The following AFG2A variants were observed in gnomAD, a reference collection of about 807,000 sequenced individuals.
The protein encoded by AFG2A is ATPase family gene 2 protein homolog A.
the AFG2A span, among the ~76,000 whole-genome samples, chr4:123,133,376 G>A: frequency 6.6e-6 from 1 of 152,144 alleles, no homozygotes; most frequent in Non-Finnish European, 1.5e-5. Context: ...CATCTGGCTA[G>A]CTGTCCTTGT....
At chr4:123,262,914 ATT>A in the AFG2A span, among the ~76,000 whole-genome samples, 2 of 152,138 alleles carry the variant, frequency 1.3e-5, no homozygotes, top group Non-Finnish European at 2.9e-5. Flanking sequence ...ACCCAGAAGA[ATT>A]TTTTTCTGAG....
chr4:123,093,904 A>G, the AFG2A span, among the ~76,000 whole-genome samples: 1 of 152,240 alleles, frequency 6.6e-6, no homozygotes, highest in Non-Finnish European at 1.5e-5. Context: ...TATAAGGAAG[A>G]GAAAACTTAA....
chr4:123,257,542 A>G, the AFG2A span, among the ~76,000 whole-genome samples: 1 of 152,226 alleles, frequency 6.6e-6, no homozygotes, highest in Non-Finnish European at 1.5e-5. Context: ...TGGAATAAAA[A>G]GCCATGTGGA....
the AFG2A span, among the ~76,000 whole-genome samples, chr4:123,239,342 A>ATAC: frequency 6.6e-6 from 1 of 152,168 alleles, no homozygotes; most frequent in African/African-American, 2.4e-5. Flanking sequence ...CACCACAAAG[A>ATAC]TACTCCTCAA....
chr4:123,006,673 T>C, the AFG2A span, among the ~76,000 whole-genome samples: 3 of 152,158 alleles, frequency 2.0e-5, no homozygotes, highest in South Asian at 6.2e-4. Flanking sequence ...GTGGACATTG[T>C]AGTTTTCTTC....
At chr4:122,961,248 G>T in the AFG2A span, among the ~76,000 whole-genome samples, 1 of 152,152 alleles carries the variant, frequency 6.6e-6, no homozygotes, top group Non-Finnish European at 1.5e-5. Flanking sequence ...CTGGAAAATT[G>T]ATATTTAAAC....
the AFG2A span, among the ~76,000 whole-genome samples, chr4:123,189,732 A>C: frequency 1.3e-5 from 2 of 150,930 alleles, no homozygotes; most frequent in East Asian, 3.9e-4. Context: ...ATTTGCCTAC[A>C]GCCACTTTTG....
chr4:123,000,295 T>C, the AFG2A span, among the ~76,000 whole-genome samples: 20 of 151,308 alleles, frequency 1.3e-4, no homozygotes, highest in African/African-American at 4.9e-4. Flanking sequence ...ATACCCTTTA[T>C]TTCCTTCTCC....
the AFG2A span, among the ~76,000 whole-genome samples, chr4:123,147,250 GT>G: frequency 1.3e-5 from 2 of 152,040 alleles, no homozygotes; most frequent in East Asian, 3.9e-4. Context: ...TAGATCTTTA[GT>G]GCCTAAAACT....
At chr4:123,283,157 A>T in the AFG2A span, among the ~76,000 whole-genome samples, 1 of 152,164 alleles carries the variant, frequency 6.6e-6, no homozygotes, top group Admixed American at 6.5e-5. Context: ...ATGGAAACTT[A>T]TGTATAATTT....
chr4:123,033,247 G>A, the AFG2A span, among the ~76,000 whole-genome samples: 2 of 152,172 alleles, frequency 1.3e-5, no homozygotes, highest in African/African-American at 2.4e-5. Context: ...GAAGGTCTAA[G>A]TGGTAGTGAT....
the AFG2A span, among the ~76,000 whole-genome samples, chr4:123,179,982 G>A: frequency 6.6e-6 from 1 of 152,234 alleles, no homozygotes; most frequent in South Asian, 2.1e-4. Context: ...CACTTTAGGA[G>A]GCTGAGGCGG....
At chr4:123,082,038 C>A in the AFG2A span, among the ~76,000 whole-genome samples, 1 of 152,106 alleles carries the variant, frequency 6.6e-6, no homozygotes, top group Non-Finnish European at 1.5e-5. Context: ...CAGTCTTTAT[C>A]ACATGTGTCT....
At chr4:123,116,598 A>G in the AFG2A span, among the ~76,000 whole-genome samples, 1 of 152,178 alleles carries the variant, frequency 6.6e-6, no homozygotes, top group Non-Finnish European at 1.5e-5. Flanking sequence ...TAAAGTGTGG[A>G]TTTTTATCTT....
chr4:123,162,567 A>T, the AFG2A span, among the ~76,000 whole-genome samples: 184 of 152,336 alleles, frequency 1.2e-3, 1 homozygote, highest in African/African-American at 4.0e-3. Context: ...AAATTTACTC[A>T]TATTATTGCA....
the AFG2A span, among the ~76,000 whole-genome samples, chr4:123,011,957 G>A: frequency 2.8e-5 from 4 of 142,042 alleles, no homozygotes; most frequent in East Asian, 2.2e-4. Context: ...GTAGAGACAT[G>A]GAGAGAAGGG....
chr4:123,150,076 C>G, the AFG2A span, among the ~76,000 whole-genome samples: 1 of 152,092 alleles, frequency 6.6e-6, no homozygotes, highest in African/African-American at 2.4e-5. Flanking sequence ...GCTCAACACC[C>G]CTTTATGCTA....
chr4:123,197,399 C>T, the AFG2A span, among the ~76,000 whole-genome samples: 1 of 152,060 alleles, frequency 6.6e-6, no homozygotes, highest in Non-Finnish European at 1.5e-5. Context: ...AGATTTTTTA[C>T]AAAAAGAGAA....
chr4:122,991,797 T>C, the AFG2A span, among the ~76,000 whole-genome samples: 60 of 152,188 alleles, frequency 3.9e-4, no homozygotes, highest in Admixed American at 3.3e-3. Flanking sequence ...CAGAACATGC[T>C]CATTTAATGT....
Sources: allele counts gnomAD v4.1 joint callset (sites outside exome capture counted in the v4.1 genomes callset), GRCh38; gene constraint gnomAD v4.1.1; transcripts MANE v1.5; gene names NCBI Gene and HGNC (gene_info 2026-07-23, HGNC 2026-07-21).